GPBP1: variants seen among roughly 807,000 people sequenced by gnomAD.
GPBP1 encodes GC-rich promoter binding protein 1.
In GPBP1, 13 loss-of-function variants were observed where a neutral mutation model predicts 56.5. The ratio of observed to expected loss-of-function variants is 0.23; its 90% CI spans 0.15 to 0.37. The LOEUF is 0.37. Among genes scored for constraint, GPBP1 ranks in the 10% least tolerant of loss-of-function variants. The pLI is 1.00. For synonymous variants in GPBP1, 204 were observed against 188.9 expected (o/e 1.08, Z -0.66); for missense variants, 477 against 572.3 (o/e 0.83, Z 1.70).
Position 57,246,340 on chromosome 5 carries a change from G to A in GPBP1, c.519G>A (p.Leu173=), listed in dbSNP as rs779759291. The A allele has an allele frequency of 6.2e-7, 1 of 1,613,554 alleles. No individual in the cohort carries two copies. Among genetic ancestry groups the A allele is most frequent in the South Asian group, 1.1e-5 (1 of 91,040 alleles). ...PNPKSRAPRM[L]VIKKGNTKDL... ...CTAAATCTAGAGCTCCAAGGATGCT[G>A]GTCATTAAGAAAGGTAATACAAAAG... Residue 173 remains leucine, a synonymous_variant, in exon 7 of 12, where the codon CTG becomes CTA. Transcript: ENST00000506184.
At chr5:57,234,318 C>G (rs1342791940) in intron 5 of GPBP1, among the ~76,000 whole-genome samples, 1 of 152,184 alleles carries the variant, frequency 6.6e-6, no homozygotes, top group Non-Finnish European at 1.5e-5. Context: ...CCAAGATTAG[C>G]TTTAGAGCAC....
intron 3 of GPBP1, among the ~76,000 whole-genome samples, chr5:57,227,606 T>A (rs1276733959): frequency 6.6e-6 from 1 of 152,206 alleles, no homozygotes; most frequent in Non-Finnish European, 1.5e-5. Flanking sequence ...ACCAAGCTCT[T>A]TATATATGTG....
At chr5:57,207,365 C>A (rs1347041880) in intron 2 of GPBP1, among the ~76,000 whole-genome samples, 1 of 151,952 alleles carries the variant, frequency 6.6e-6, no homozygotes, top group Non-Finnish European at 1.5e-5. Flanking sequence ...GTGAAAGGTT[C>A]TCTTATCCCC....
chr5:57,182,468 G>T lies in GPBP1; in HGVS notation c.-58+6068G>T, dbSNP rs186992163. Among the ~76,000 whole-genome samples the T allele has an allele frequency of 2.7e-3, 415 of 152,006 alleles. 1 individual carries two copies. The highest frequency in any genetic ancestry group is 9.6e-3 in the African/African-American group (399 of 41,434). ...GTTCACTGCAACCTCCAACTCCCGGGTTCAAGTGATTCTCCTGCCTCAGCC... is the reference window on the plus strand; with the variant it reads ...GTTCACTGCAACCTCCAACTCCCGGTTTCAAGTGATTCTCCTGCCTCAGCC... On this transcript the variant is annotated intron_variant, in intron 2 of 11. Coordinates refer to ENST00000506184, the MANE Select transcript of GPBP1 (RefSeq NM_022913.4).
At chr5:57,230,749 T>C in intron 3 of GPBP1, 97 bp from the exon 4 acceptor site, 1 of 1,034,418 alleles carries the variant, frequency 9.7e-7, no homozygotes, top group African/African-American at 1.6e-5. Context: ...TTCTTAATCA[T>C]TTAAAATTTT....
chr5:57,244,002 T>G (rs1410131802), intron 6 of GPBP1, among the ~76,000 whole-genome samples: 1 of 152,220 alleles, frequency 6.6e-6, no homozygotes, highest in Non-Finnish European at 1.5e-5. Flanking sequence ...TTCCTGGATC[T>G]GATACCTTCA....
chr5:57,230,384 T>C lies in GPBP1; in HGVS notation c.64-462T>C, dbSNP rs191473661. On this transcript the variant is annotated intron_variant, in intron 3 of 11. Transcript: ENST00000506184. Reference sequence around the variant, plus strand: ...AATACTTATTGTACATTCTTTTATTTTGATACCTTTTTAAAAACACTTGGT... The same window carrying C: ...AATACTTATTGTACATTCTTTTATTCTGATACCTTTTTAAAAACACTTGGT... Among the ~76,000 whole-genome samples, 367 of 152,356 alleles carry C rather than the reference T, an allele frequency of 2.4e-3. 3 individuals are homozygous for C. The highest frequency in any genetic ancestry group is 6.8e-3 in the Middle Eastern group (2 of 294).
chr5:57,230,275 G>A (rs1300923389), intron 3 of GPBP1, among the ~76,000 whole-genome samples: 1 of 152,016 alleles, frequency 6.6e-6, no homozygotes, highest in Non-Finnish European at 1.5e-5. Flanking sequence ...TTTTGATTGT[G>A]GTTTTATCAG....
Position 57,178,967 on chromosome 5 carries a change from TTTAA to T in GPBP1, c.-58+2574_-58+2577del, listed in dbSNP as rs568585626. Among the ~76,000 whole-genome samples, 719 of 152,334 alleles carry T rather than the reference TTTAA, an allele frequency of 4.7e-3. 8 individuals are homozygous for T. Among genetic ancestry groups the T allele is most frequent in the African/African-American group, 0.016 (662 of 41,582 alleles). ...TTGCTGTGTAATTTATGTGGCATAT[TTTAA>T]TTAATTCTTAATCCCGTGAGGAAAG... On this transcript the variant is annotated intron_variant, in intron 2 of 11. Transcript: ENST00000506184.
chr5:57,209,241 A>C (rs1024086127), intron 2 of GPBP1, among the ~76,000 whole-genome samples: 2 of 152,168 alleles, frequency 1.3e-5, no homozygotes, highest in African/African-American at 4.8e-5. Flanking sequence ...TTTATGTAAG[A>C]TCATGTAATC....
intron 2 of GPBP1, among the ~76,000 whole-genome samples, chr5:57,191,802 C>G (rs569749726): frequency 6.6e-6 from 1 of 152,204 alleles, no homozygotes; most frequent in South Asian, 2.1e-4. Context: ...CCTCATGATC[C>G]GCCCACCTCT....
chr5:57,250,555 T>G (rs1291351479), intron 9 of GPBP1, among the ~76,000 whole-genome samples: 9 of 151,748 alleles, frequency 5.9e-5, no homozygotes, highest in African/African-American at 1.7e-4. Flanking sequence ...TTGGTTTTTT[T>G]TTTTTTTTTT....
In GPBP1 at chr5:57,259,702, T is replaced by C. The variant is rs141062201; in HGVS notation, c.1161-1478T>C. Among the ~76,000 whole-genome samples, 353 of 152,334 alleles carry C rather than the reference T, an allele frequency of 2.3e-3. 1 individual carries two copies. The highest frequency in any genetic ancestry group is 3.9e-3 in the Non-Finnish European group (262 of 68,030). ...GCCTAATGATTTCCCATTGAAACTT[T>C]GCAAAGGTGCCCTTGTTTGATGAGA... On this transcript the variant is annotated intron_variant, in intron 10 of 11. Transcript: ENST00000506184.
intron 2 of GPBP1, among the ~76,000 whole-genome samples, chr5:57,193,718 G>A (rs1338803793): frequency 6.7e-6 from 1 of 150,344 alleles, no homozygotes; most frequent in Non-Finnish European, 1.5e-5. Context: ...GTTGGAACTT[G>A]TTTCCTGTGC....
intron 3 of GPBP1, among the ~76,000 whole-genome samples, chr5:57,219,550 T>C (rs890318703): frequency 6.6e-6 from 1 of 152,000 alleles, no homozygotes; most frequent in African/African-American, 2.4e-5. Context: ...TGTTATTGAC[T>C]TTTGCCACCT....
In GPBP1 at chr5:57,176,995, T is replaced by A. The variant is rs528708462; in HGVS notation, c.-58+595T>A. 1.7e-4 allele frequency among the ~76,000 whole-genome samples: 26 copies of A among 152,346 alleles called. No homozygotes were observed. In the South Asian group the frequency reaches 4.6e-3, roughly 27 times the overall value. ...AGTTTTTGAAATAGTTTTGTTGAAA[T>A]GGTTTTGTATTTCAAATTATTTCTT... On this transcript the variant is annotated intron_variant, in intron 2 of 11. Coordinates refer to ENST00000506184, the MANE Select transcript of GPBP1 (RefSeq NM_022913.4).
intron 3 of GPBP1, among the ~76,000 whole-genome samples, chr5:57,228,322 G>A (rs1756285363): frequency 6.6e-6 from 1 of 152,112 alleles, no homozygotes; most frequent in Non-Finnish European, 1.5e-5. Flanking sequence ...AGGTGTGGTG[G>A]TGGCCACCTG....
chr5:57,223,434 G>A (rs562621058), intron 3 of GPBP1, among the ~76,000 whole-genome samples: 7 of 152,148 alleles, frequency 4.6e-5, no homozygotes, highest in Admixed American at 3.3e-4. Context: ...TGTCAGATTA[G>A]CTCCAATTCT....
At chr5:57,190,533 G>C (rs1754474779) in intron 2 of GPBP1, among the ~76,000 whole-genome samples, 2 of 151,064 alleles carry the variant, frequency 1.3e-5, no homozygotes, top group African/African-American at 4.9e-5. Flanking sequence ...GCAGTGAGCT[G>C]AGATCACGCC....
Sources: allele counts gnomAD v4.1 joint callset (sites outside exome capture counted in the v4.1 genomes callset), GRCh38; gene constraint gnomAD v4.1.1; transcripts MANE v1.5; gene names NCBI Gene and HGNC (gene_info 2026-07-23, HGNC 2026-07-21).